The following RAD9B variants were observed in gnomAD, a reference collection of about 807,000 sequenced individuals.
RAD9B encodes RAD9 checkpoint clamp component B, also known as cell cycle checkpoint control protein RAD9B.
Under a neutral mutation model 48.3 loss-of-function variants are expected in RAD9B, and 41 were observed. That is an observed-to-expected ratio of 0.85 (90% CI 0.66 to 1.10). The LOEUF is 1.10. Ranked by LOEUF, RAD9B falls within the 50% of genes least tolerant of loss-of-function variation. The probability of loss-of-function intolerance (pLI) is 0.00; values close to 1 mark genes in which losing one functional copy is unlikely to be tolerated. For missense variants in RAD9B, 444 were observed against 485.1 expected, an observed-to-expected ratio of 0.92 and a Z score of 0.80; for synonymous variants, 160 against 157.9, an observed-to-expected ratio of 1.01 and a Z score of -0.10.
In RAD9B at chr12:110,522,201, TG is replaced by T; in HGVS notation, c.917del (p.Gly306AlafsTer4). 2 of 1,592,902 alleles carry T rather than the reference TG, an allele frequency of 1.3e-6. No individual in the cohort carries two copies. The highest frequency in any genetic ancestry group is 3.6e-5 in the Admixed American group (2 of 55,960). On this transcript the variant is annotated frameshift_variant, in exon 10 of 11. Coordinates refer to ENST00000409300, the MANE Select transcript of RAD9B (RefSeq NM_001286535.2). LOFTEE classifies it high-confidence loss of function. ...GGTCAGATCTGATTGAAAAAAAGGC[TG>T]GCAAAAATGTAACTGGCCAGGCCCT... The part of the protein sequence containing the change: ...KRSDLIEKKA[G>X]KNVTGQALEC...
intron 9 of RAD9B, among the ~76,000 whole-genome samples, chr12:110,521,109 C>A (rs541327642): frequency 6.6e-6 from 1 of 152,236 alleles, no homozygotes; most frequent in East Asian, 1.9e-4. Context: ...TTCTGGCTCA[C>A]TGCATTTTCT....
intron 2 of RAD9B, 130 bp downstream of exon 2, chr12:110,504,006 C>T: frequency 1.7e-6 from 1 of 579,832 alleles, no homozygotes; most frequent in Non-Finnish European, 3.0e-6. Context: ...CTTTATTTTA[C>T]ATATCTGAAT....
intron 1 of RAD9B, 161 bp downstream of exon 1, chr12:110,502,544 T>C (rs1160921674): frequency 2.3e-5 from 17 of 745,990 alleles, no homozygotes; most frequent in Non-Finnish European, 1.6e-5. Flanking sequence ...TGTTAACTTC[T>C]GAGGGGAGGA....
chr12:110,526,679 A>C (rs2063948018), intron 10 of RAD9B, among the ~76,000 whole-genome samples: 1 of 152,010 alleles, frequency 6.6e-6, no homozygotes, highest in South Asian at 2.1e-4. Flanking sequence ...GGAGACCGAG[A>C]CAGGCAGATC....
intron 5 of RAD9B, 142 bp downstream of exon 5, chr12:110,513,020 C>T: frequency 1.8e-6 from 1 of 554,628 alleles, no homozygotes; most frequent in Non-Finnish European, 3.2e-6. Context: ...GGCTGGAGTG[C>T]AGTGGCGCGA....
intron 10 of RAD9B, among the ~76,000 whole-genome samples, chr12:110,523,450 T>C (rs994014983): frequency 2.0e-5 from 3 of 152,132 alleles, no homozygotes; most frequent in African/African-American, 7.2e-5. Flanking sequence ...AAATTCACCA[T>C]ATTACGCTGT....
chr12:110,515,027 A>G (rs750975762), intron 5 of RAD9B, 23 bp from the exon 6 acceptor site: 8 of 1,382,644 alleles, frequency 5.8e-6, no homozygotes, highest in Non-Finnish European at 8.0e-6. Context: ...AATAATGTTA[A>G]TACTGTTCTT....
At chr12:110,519,038 C>T in intron 8 of RAD9B, 100 bp downstream of exon 8, 1 of 743,840 alleles carries the variant, frequency 1.3e-6, no homozygotes, top group Non-Finnish European at 2.2e-6. Flanking sequence ...TCAGGAATAC[C>T]TAAACTTTAC....
chr12:110,505,511 C>A, intron 2 of RAD9B, 106 bp from the exon 3 acceptor site: 2 of 949,520 alleles, frequency 2.1e-6, no homozygotes, highest in Non-Finnish European at 2.9e-6. Flanking sequence ...AGACTCCTGG[C>A]TTCCATCCAT....
At position 110,531,271 on chromosome 12, in the gene RAD9B, C is replaced by T. The variant is rs1475320131; in HGVS notation, c.*618C>T. 1.8e-6 allele frequency: 1 copy of T among 560,722 alleles called. No homozygotes were observed. The highest frequency in any genetic ancestry group is 2.1e-5 in the African/African-American group (1 of 48,184). 34.7% of individuals were successfully genotyped at this position (560,722 alleles called of 1,614,324 possible). A position where few individuals can be genotyped will look rare whatever the true frequency, so the allele number is the denominator to read the frequency against. On this transcript the variant is annotated 3_prime_UTR_variant, in exon 11 of 11. Coordinates refer to ENST00000409300, the MANE Select transcript of RAD9B (RefSeq NM_001286535.2). Reference sequence around the variant, plus strand: ...GCAGTGGTGCAATCTCTGCTCACTGCAACATCTGCCTCCCAGGTCCAAGCG... The same window carrying T: ...GCAGTGGTGCAATCTCTGCTCACTGTAACATCTGCCTCCCAGGTCCAAGCG...
intron 4 of RAD9B, chr12:110,511,616 A>G (rs1425198173): frequency 7.0e-6 from 2 of 286,010 alleles, no homozygotes; most frequent in African/African-American, 4.4e-5. Flanking sequence ...CAGTAGGTAC[A>G]AACATACAGT....
chr12:110,527,695 G>A (rs748945554), intron 10 of RAD9B, among the ~76,000 whole-genome samples: 1 of 152,186 alleles, frequency 6.6e-6, no homozygotes, highest in Non-Finnish European at 1.5e-5. Flanking sequence ...ATCACGTATC[G>A]GGACTAGGGT....
At chr12:110,504,445 C>T (rs1210505665) in intron 2 of RAD9B, among the ~76,000 whole-genome samples, 1 of 149,356 alleles carries the variant, frequency 6.7e-6, no homozygotes, top group African/African-American at 2.5e-5. Flanking sequence ...TGCACTCCAG[C>T]CTGGGCAACA....
intron 9 of RAD9B, among the ~76,000 whole-genome samples, chr12:110,520,392 T>G (rs1341139146): frequency 6.6e-6 from 1 of 151,862 alleles, no homozygotes; most frequent in Non-Finnish European, 1.5e-5. Context: ...TATTTTTTTT[T>G]GTAGAGACAG....
intron 10 of RAD9B, among the ~76,000 whole-genome samples, chr12:110,529,909 C>T (rs761799562): frequency 1.4e-4 from 21 of 152,170 alleles, no homozygotes; most frequent in Non-Finnish European, 2.6e-4. Context: ...AATCCAGTGG[C>T]TTACGGAGGC....
chr12:110,507,462 GTA>G (rs1242450999), intron 4 of RAD9B, among the ~76,000 whole-genome samples: 2 of 90,490 alleles, frequency 2.2e-5, no homozygotes, highest in African/African-American at 3.9e-5. Flanking sequence ...CACGTATTAA[GTA>G]TAATATATAT....
At chr12:110,519,954 A>G (rs2063725192) in intron 9 of RAD9B, 38 bp downstream of exon 9, 1 of 1,588,944 alleles carries the variant, frequency 6.3e-7, no homozygotes, top group Non-Finnish European at 8.6e-7. Flanking sequence ...ACTTGGGACA[A>G]GCCATCATAA....
intron 2 of RAD9B, among the ~76,000 whole-genome samples, chr12:110,504,971 A>C (rs2063218883): frequency 6.6e-6 from 1 of 152,046 alleles, no homozygotes. Context: ...GTACCATTGC[A>C]CTCCAGCCTG....
intron 8 of RAD9B, 90 bp downstream of exon 8, chr12:110,519,028 T>A (rs887613263): frequency 4.7e-5 from 39 of 827,982 alleles, no homozygotes; most frequent in Non-Finnish European, 3.4e-5. Context: ...AATTAACACC[T>A]CAGGAATACC....
Sources: gnomAD v4.1 joint callset for allele counts (sites outside exome capture counted in the v4.1 genomes callset) on GRCh38, gnomAD v4.1.1 for gene constraint, MANE v1.5 for transcripts, NCBI Gene and HGNC (gene_info 2026-07-23, HGNC 2026-07-21) for gene names.